GABRA1: variants seen among roughly 807,000 people sequenced by gnomAD.
The protein encoded by GABRA1 is gamma-aminobutyric acid type A receptor subunit alpha1.
A neutral mutation model predicts 48.9 loss-of-function variants in GABRA1; 9 were observed. That is an observed-to-expected ratio of 0.18 (90% confidence interval 0.11 to 0.32). The LOEUF (loss-of-function observed/expected upper bound fraction) is 0.32. Ranked by LOEUF, GABRA1 falls within the 10% of genes least tolerant of loss-of-function variation. The pLI is 1.00. For synonymous variants in GABRA1, 210 were observed against 198.7 expected (o/e 1.06, Z -0.48); for missense variants, 285 against 553.8 (o/e 0.51, Z 4.87).
intron 8 of GABRA1, among the ~76,000 whole-genome samples, chr5:161,892,933 G>A (rs1755166604): frequency 6.6e-6 from 1 of 151,122 alleles, no homozygotes; most frequent in Admixed American, 6.6e-5. Context: ...GAACCCTGGA[G>A]GTGCAGCTAG....
chr5:161,853,792 T>C (rs1358224337), intron 2 of GABRA1: 1 of 163,464 alleles, frequency 6.1e-6, no homozygotes, highest in Non-Finnish European at 1.3e-5. Flanking sequence ...TTTTGGTAAC[T>C]CTTTTTAATT....
At chr5:161,862,509 A>C (rs1004267530) in intron 3 of GABRA1, among the ~76,000 whole-genome samples, 11 of 151,750 alleles carry the variant, frequency 7.2e-5, no homozygotes, top group African/African-American at 2.7e-4. Flanking sequence ...TTTTCAGAGC[A>C]TTTATAATCT....
At chr5:161,896,102 C>T (rs1387908040) in intron 9 of GABRA1, among the ~76,000 whole-genome samples, 1 of 152,092 alleles carries the variant, frequency 6.6e-6, no homozygotes, top group Non-Finnish European at 1.5e-5. Flanking sequence ...GGAAGGCAAA[C>T]ATTTCTAGTC....
rs981669877 is a variant in GABRA1, at chr5:161,889,368, C to A, written c.704-1530C>A. Among the ~76,000 whole-genome samples the A allele has an allele frequency of 2.6e-5, 4 of 152,110 alleles. No individual in the cohort carries two copies. The East Asian group carries it at 7.7e-4, about 29-fold the overall frequency. Reference sequence around the variant, plus strand: ...TCTGACTATTTTGTAGACAAGAATACTAAGGGTAAGAGAGTTTAAGTGACT... The same window carrying A: ...TCTGACTATTTTGTAGACAAGAATAATAAGGGTAAGAGAGTTTAAGTGACT... On this transcript the variant is annotated intron_variant, in intron 7 of 9. Coordinates refer to ENST00000393943, the MANE Select transcript of GABRA1 (RefSeq NM_001127644.2).
intron 4 of GABRA1, among the ~76,000 whole-genome samples, chr5:161,866,575 G>A (rs1484881023): frequency 6.6e-6 from 1 of 152,052 alleles, no homozygotes; most frequent in Non-Finnish European, 1.5e-5. Flanking sequence ...TACTGTAAAA[G>A]TATTTTGATT....
At chr5:161,881,515 G>T (rs1432862296) in intron 6 of GABRA1, among the ~76,000 whole-genome samples, 1 of 152,114 alleles carries the variant, frequency 6.6e-6, no homozygotes, top group Non-Finnish European at 1.5e-5. Context: ...GTGATAGAAT[G>T]TAACTCATCA....
intron 6 of GABRA1, among the ~76,000 whole-genome samples, chr5:161,876,137 T>C (rs1306566890): frequency 6.6e-6 from 1 of 152,034 alleles, no homozygotes; most frequent in African/African-American, 2.4e-5. Context: ...ACCCTAATCA[T>C]AGTCTTAGAA....
chr5:161,885,868 G>C (rs140958473), intron 7 of GABRA1, among the ~76,000 whole-genome samples: 11 of 152,032 alleles, frequency 7.2e-5, no homozygotes, highest in Non-Finnish European at 1.3e-4. Context: ...ATTTATCCAC[G>C]TAATCCTTAA....
chr5:161,885,443 C>A (rs928790173), intron 7 of GABRA1, among the ~76,000 whole-genome samples: 4 of 152,128 alleles, frequency 2.6e-5, no homozygotes, highest in Non-Finnish European at 5.9e-5. Context: ...TAAAAGGCAT[C>A]TTCTTCTACT....
chr5:161,882,402 T>A, intron 6 of GABRA1, 156 bp from the exon 7 acceptor site: 1 of 686,528 alleles, frequency 1.5e-6, no homozygotes, highest in Non-Finnish European at 2.5e-6. Flanking sequence ...AGAAAACGTG[T>A]TTTAGTTTTT....
rs1755409878 is a variant in GABRA1, at chr5:161,897,243, A to G, written c.1192A>G (p.Lys398Glu). 1 of 1,614,142 alleles carries G rather than the reference A, an allele frequency of 6.2e-7. No homozygotes were observed. The highest frequency in any genetic ancestry group is 8.5e-7 in the Non-Finnish European group (1 of 1,179,992). Residue 398 changes from lysine (K) to glutamate (E), a missense_variant, in exon 10 of 10, where the codon AAA becomes GAA. Physicochemically the swap from Lys to Glu is moderately conservative, Grantham distance 56 (BLOSUM62 1). Around this residue, in one of 6 missense-constraint regions of GABRA1, gnomAD observed 99 missense variants for 94.2 expected, o/e 1.05. Coordinates refer to ENST00000393943, the MANE Select transcript of GABRA1 (RefSeq NM_001127644.2). ...TIAKSATIEP[K>E]EVKPETKPPE... is the part of the protein sequence containing the mutation. The stretch of plus-strand genomic sequence containing the variant: ...TGCTAAAAGTGCAACCATAGAACCT[A>G]AAGAGGTCAAGCCCGAAACAAAACC...
intron 9 of GABRA1, 63 bp downstream of exon 9, chr5:161,895,931 G>C: frequency 1.4e-6 from 2 of 1,427,704 alleles, no homozygotes; most frequent in Non-Finnish European, 9.9e-7. Context: ...TATGAAATGA[G>C]ATGTTTTGGC....
chr5:161,848,826 C>T, intron 1 of GABRA1: 1 of 337,776 alleles, frequency 3.0e-6, no homozygotes, highest in South Asian at 2.1e-5. Context: ...GGAGGGGCGT[C>T]GGGGGCCATC....
intron 4 of GABRA1, 99 bp from the exon 5 acceptor site, chr5:161,873,018 T>C (rs914749735): frequency 1.3e-5 from 11 of 863,016 alleles, no homozygotes; most frequent in Middle Eastern, 3.1e-4. Context: ...GCTAACATTA[T>C]ACTTCCAAAG....
chr5:161,870,946 C>CTGTGTGTGTGTGTG (rs59726286), intron 4 of GABRA1, among the ~76,000 whole-genome samples: 9 of 141,412 alleles, frequency 6.4e-5, no homozygotes, highest in East Asian at 2.1e-4. Context: ...GAGTGTTGCT[C>CTGTGTGTGTGTGTG]TGTGTGTGTG....
intron 8 of GABRA1, among the ~76,000 whole-genome samples, chr5:161,892,414 C>T (rs1181765315): frequency 6.6e-6 from 1 of 152,130 alleles, no homozygotes; most frequent in Admixed American, 6.5e-5. Context: ...GTACCAGAAA[C>T]GTGTATTTTC....
chr5:161,878,428 A>G (rs1449477772), intron 6 of GABRA1, among the ~76,000 whole-genome samples: 1 of 152,216 alleles, frequency 6.6e-6, no homozygotes. Flanking sequence ...TGGGCTAAAA[A>G]TATTTTGACT....
intron 5 of GABRA1, among the ~76,000 whole-genome samples, chr5:161,875,081 C>A (rs1156667905): frequency 6.6e-6 from 1 of 152,138 alleles, no homozygotes; most frequent in Non-Finnish European, 1.5e-5. Flanking sequence ...CATCCCCCTT[C>A]AGCTTTTCCT....
intron 3 of GABRA1, among the ~76,000 whole-genome samples, chr5:161,864,273 T>C (rs1308832901): frequency 6.6e-6 from 1 of 152,070 alleles, no homozygotes; most frequent in Admixed American, 6.6e-5. Flanking sequence ...TACATATGTA[T>C]ACATGTGCCA....
Sources: allele counts gnomAD v4.1 joint callset (sites outside exome capture counted in the v4.1 genomes callset), GRCh38; gene constraint gnomAD v4.1.1; regional missense constraint gnomAD v4.1.1; transcripts MANE v1.5; gene names NCBI Gene and HGNC (gene_info 2026-07-23, HGNC 2026-07-21).